SGF29: variants seen among roughly 807,000 people sequenced by gnomAD.
The protein encoded by SGF29 is SAGA complex associated factor 29.
SGF29 carries 15 observed loss-of-function variants against 38.1 expected under a neutral mutation model. The observed-to-expected ratio is 0.39, with a 90% confidence interval of 0.26 to 0.61. The LOEUF (loss-of-function observed/expected upper bound fraction) is 0.61, where lower values mean the gene tolerates loss of function less well. Among genes scored for constraint, SGF29 ranks in the 20% least tolerant of loss-of-function variants. The pLI, the probability that SGF29 is intolerant of heterozygous loss-of-function variation, is 0.49. For missense variants in SGF29, 184 were observed against 394.6 expected (o/e 0.47, Z 4.52); for synonymous variants, 151 against 160.8 (o/e 0.94, Z 0.46).
chr16:28,587,942 G>C (rs2046964414), intron 4 of SGF29, among the ~76,000 whole-genome samples: 1 of 152,140 alleles, frequency 6.6e-6, no homozygotes, highest in Non-Finnish European at 1.5e-5. Flanking sequence ...TGGGATTATA[G>C]ACGCCCGCCA....
intron 1 of SGF29, among the ~76,000 whole-genome samples, chr16:28,561,706 C>G (rs1279448738): frequency 1.3e-5 from 2 of 152,148 alleles, no homozygotes; most frequent in African/African-American, 4.8e-5. Context: ...TGCTGAGCCT[C>G]TCAGGGTTTG....
chr16:28,588,717 C>A, intron 4 of SGF29: 1 of 374,542 alleles, frequency 2.7e-6, no homozygotes, highest in South Asian at 1.9e-5. Context: ...GTTAAAGACG[C>A]TCGCCACCAC....
At chr16:28,558,137 C>T (rs767611322) in intron 1 of SGF29, among the ~76,000 whole-genome samples, 140 of 146,436 alleles carry the variant, frequency 9.6e-4, no homozygotes, top group Non-Finnish European at 1.6e-3. Flanking sequence ...AACGGAGTCT[C>T]GCTGTGTCGC....
chr16:28,564,930 C>T (rs1596598332), intron 1 of SGF29, among the ~76,000 whole-genome samples: 1 of 151,274 alleles, frequency 6.6e-6, no homozygotes, highest in Admixed American at 6.6e-5. Context: ...ATAATTCAGT[C>T]CAAGTCTGCC....
rs368608942 is a variant in SGF29, at chr16:28,590,589, C to T, written c.567-42C>T. On this transcript the variant is annotated intron_variant, in intron 7 of 9. Coordinates refer to ENST00000317058, the MANE Select transcript of SGF29 (RefSeq NM_138414.3). This position sits in a 1 kb window ranked among gnomAD's most constrained non-coding sequence, Gnocchi z 8.2. ...CATCCTCACTCCCCAACAGGTACTGCGCCCCTGGCTGCATCCAGCCTTTTC... is the reference window on the plus strand; with the variant it reads ...CATCCTCACTCCCCAACAGGTACTGTGCCCCTGGCTGCATCCAGCCTTTTC... The T allele has an allele frequency of 4.2e-5, 68 of 1,612,776 alleles. No homozygotes were observed. The African/African-American group carries it at 7.5e-4, about 18-fold the overall frequency.
At chr16:28,564,465 G>A (rs998987803) in intron 1 of SGF29, among the ~76,000 whole-genome samples, 1 of 148,120 alleles carries the variant, frequency 6.8e-6, no homozygotes, top group Admixed American at 7.0e-5. Flanking sequence ...GAGCGTGGAG[G>A]CCTGGTGTGT....
chr16:28,590,277 C>T lies in SGF29; in HGVS notation c.420-19C>T. ...GCTGGTGCCCAGGGGCTGGGACTGA[C>T]CCTTTGTTCCACTCACAGGCCCCCA... is the stretch of plus-strand genomic sequence containing the variant. On this transcript the variant is annotated intron_variant, in intron 6 of 9. Transcript: ENST00000317058. The surrounding 1 kb of genome is among the most constrained non-coding windows in gnomAD (Gnocchi z 8.2). 2.5e-6 allele frequency: 4 copies of T among 1,608,404 alleles called. No individual in the cohort carries two copies. The highest frequency in any genetic ancestry group is 3.4e-6 in the Non-Finnish European group (4 of 1,177,672).
At position 28,553,986 on chromosome 16, in the gene SGF29, C is replaced by T. The variant is rs2046726104; in HGVS notation, c.-127C>T. On this transcript the variant is annotated 5_prime_UTR_variant, in exon 1 of 10. Coordinates refer to ENST00000317058, the MANE Select transcript of SGF29 (RefSeq NM_138414.3). ...GTGCGGTTCTCGACGTGCCGCCAATCTTCGAACGCAGGTCTGTGATCATCC... is the reference window on the plus strand; with the variant it reads ...GTGCGGTTCTCGACGTGCCGCCAATTTTCGAACGCAGGTCTGTGATCATCC... 1 of 152,296 alleles carries T rather than the reference C, an allele frequency of 6.6e-6. No homozygotes were observed. The highest frequency in any genetic ancestry group is 6.5e-5 in the Admixed American group (1 of 15,272). 9.4% of individuals were successfully genotyped at this position (152,296 alleles called of 1,614,324 possible).
rs2046952230 is a variant in SGF29 at position 28,585,631 on chromosome 16, CTG to C, written c.152-13_152-12del. ...CTGCCCTGGCCCTGCCTCCTTATCC[CTG>C]TGTTTCCTCTGCAGTTTCTCCCTAT... On this transcript the variant is annotated splice_polypyrimidine_tract_variant and intron_variant, in intron 3 of 9. Coordinates refer to ENST00000317058, the MANE Select transcript of SGF29 (RefSeq NM_138414.3). 1 of 1,613,000 alleles carries C rather than the reference CTG, an allele frequency of 6.2e-7. No individual in the cohort carries two copies. Among genetic ancestry groups the C allele is most frequent in the Non-Finnish European group, 8.5e-7 (1 of 1,179,050 alleles).
intron 1 of SGF29, among the ~76,000 whole-genome samples, chr16:28,569,135 C>G (rs1437357324): frequency 1.3e-5 from 2 of 151,942 alleles, no homozygotes; most frequent in African/African-American, 4.8e-5. Context: ...AAAATAAAAG[C>G]TTCTTTTCTT....
chr16:28,571,591 TA>T lies in SGF29; in HGVS notation c.-15-9446del, dbSNP rs143979584. ...CTGGCGACAGAACTAGACTCCGCCTTAAAAAAAAAAAAAAAAAAGATTCTGA... is the reference window on the plus strand; with the variant it reads ...CTGGCGACAGAACTAGACTCCGCCTTAAAAAAAAAAAAAAAAAGATTCTGA... On this transcript the variant is annotated intron_variant, in intron 1 of 9. Transcript: ENST00000317058. Among the ~76,000 whole-genome samples, 670 of 127,266 alleles carry T rather than the reference TA, an allele frequency of 5.3e-3. 6 individuals are homozygous for T. Among genetic ancestry groups the T allele is most frequent in the East Asian group, 0.026 (113 of 4,328 alleles). 83.5% of individuals were successfully genotyped at this position (127,266 alleles called of 152,430 possible). A position where few individuals can be genotyped will look rare whatever the true frequency, so the allele number is the denominator to read the frequency against.
chr16:28,554,448 C>G (rs1033238403), intron 1 of SGF29, among the ~76,000 whole-genome samples: 3 of 152,134 alleles, frequency 2.0e-5, no homozygotes, highest in South Asian at 2.1e-4. Flanking sequence ...AGGATGGGCC[C>G]CGAACTCCAG....
chr16:28,580,479 GCA>G (rs1453931452), intron 1 of SGF29, among the ~76,000 whole-genome samples: 1 of 151,982 alleles, frequency 6.6e-6, no homozygotes, highest in East Asian at 1.9e-4. Context: ...GTGGCTGCCG[GCA>G]GTCCTTGGCA....
rs773152836 is a variant in SGF29, at chr16:28,590,090, C to T, written c.290-6C>T. The T allele has an allele frequency of 6.2e-7, 1 of 1,609,556 alleles. No individual in the cohort carries two copies. The highest frequency in any genetic ancestry group is 1.1e-5 in the South Asian group (1 of 89,788). ...TGGGGCCTCAGGCCTCCCTTCCTTC[C>T]CACAGCGGCCAAGATTGCCGGTCTC... On this transcript the variant is annotated splice_region_variant and splice_polypyrimidine_tract_variant and intron_variant, in intron 5 of 9. Coordinates refer to ENST00000317058, the MANE Select transcript of SGF29 (RefSeq NM_138414.3). The surrounding 1 kb of genome is among the most constrained non-coding windows in gnomAD (Gnocchi z 8.2).
intron 5 of SGF29, 75 bp downstream of exon 5, chr16:28,589,239 C>T: frequency 6.9e-7 from 1 of 1,450,232 alleles, no homozygotes; most frequent in Non-Finnish European, 9.7e-7. Flanking sequence ...CAGTCACCCT[C>T]CTGTGGGGGC....
chr16:28,584,781 T>TC (rs2046946004), intron 2 of SGF29, 132 bp from the exon 3 acceptor site: 1 of 563,196 alleles, frequency 1.8e-6, no homozygotes, highest in South Asian at 2.1e-5. Context: ...AGAGTGAGAC[T>TC]CCATCTCAAA....
intron 4 of SGF29, 140 bp downstream of exon 4, chr16:28,585,860 G>A (rs778308219): frequency 1.4e-5 from 11 of 759,526 alleles, no homozygotes; most frequent in South Asian, 3.2e-5. Flanking sequence ...CTTGGGTCCC[G>A]CATTCCCTGG....
intron 1 of SGF29, among the ~76,000 whole-genome samples, chr16:28,556,610 G>T (rs968649977): frequency 1.3e-5 from 2 of 151,894 alleles, no homozygotes; most frequent in Non-Finnish European, 1.5e-5. Flanking sequence ...GCCTCCCAAA[G>T]TGCTGGGATT....
At chr16:28,564,581 GTA>G (rs1167566181) in intron 1 of SGF29, among the ~76,000 whole-genome samples, 9 of 116,396 alleles carry the variant, frequency 7.7e-5, no homozygotes, top group South Asian at 2.5e-4. Context: ...ATATATACAC[GTA>G]TATATATACA....
Sources: allele counts gnomAD v4.1 joint callset (sites outside exome capture counted in the v4.1 genomes callset), GRCh38; gene constraint gnomAD v4.1.1; non-coding constraint Gnocchi (gnomAD v3.1); transcripts MANE v1.5; gene names NCBI Gene and HGNC (gene_info 2026-07-23, HGNC 2026-07-21).